SDCCAG8: variants seen among roughly 807,000 people sequenced by gnomAD.
SDCCAG8 encodes SHH signaling and ciliogenesis regulator SDCCAG8, also known as serologically defined colon cancer antigen 8.
Under a neutral mutation model 101.8 loss-of-function variants are expected in SDCCAG8, and 74 were observed. That is an observed-to-expected ratio of 0.73 (90% CI 0.60 to 0.88). The LOEUF (loss-of-function observed/expected upper bound fraction) is 0.88, where lower values mean the gene tolerates loss of function less well. Among genes scored for constraint, SDCCAG8 ranks in the 40% least tolerant of loss-of-function variants. The pLI is 0.00. For synonymous variants in SDCCAG8, 281 were observed against 292.9 expected, an observed-to-expected ratio of 0.96 and a Z score of 0.41; for missense variants, 787 against 822.6, an observed-to-expected ratio of 0.96 and a Z score of 0.53.
intron 1 of SDCCAG8, among the ~76,000 whole-genome samples, chr1:243,269,697 C>T (rs2067928517): frequency 6.6e-6 from 1 of 152,124 alleles, no homozygotes; most frequent in African/African-American, 2.4e-5. Flanking sequence ...CTTTTGCTGG[C>T]TCTTCCCACC....
intron 3 of SDCCAG8, among the ~76,000 whole-genome samples, chr1:243,271,607 A>G (rs1384328531): frequency 6.6e-6 from 1 of 152,010 alleles, no homozygotes; most frequent in Non-Finnish European, 1.5e-5. Flanking sequence ...CAGTGGCATG[A>G]TCTCGCCTCA....
In SDCCAG8 at chr1:243,286,322, C is replaced by T. The variant is rs769881390; in HGVS notation, c.471C>T (p.Asn157=). 26 of 1,613,860 alleles carry T rather than the reference C, an allele frequency of 1.6e-5. No individual in the cohort carries two copies. Among genetic ancestry groups the T allele is most frequent in the South Asian group, 5.5e-5 (5 of 91,086 alleles). The change falls in exon 5 of 18, where the codon AAC becomes AAT. Residue 157 remains asparagine (N), a synonymous_variant. Coordinates refer to ENST00000366541, the MANE Select transcript of SDCCAG8 (RefSeq NM_006642.5). ...AAATACAAGTAGTTGTGCTTGAAAA[C>T]GAAGGGCTCCAGCAACAGCTAAAAT... ...KNKIQVVVLE[N]EGLQQQLKSQ...
At chr1:243,497,508 G>A (rs1025001815) in intron 17 of SDCCAG8, among the ~76,000 whole-genome samples, 13 of 152,050 alleles carry the variant, frequency 8.5e-5, no homozygotes, top group South Asian at 2.1e-4. Flanking sequence ...GGTGAGGCCC[G>A]TACATCTGTG....
chr1:243,440,407 G>T (rs1208476838), intron 16 of SDCCAG8, among the ~76,000 whole-genome samples: 2 of 152,108 alleles, frequency 1.3e-5, no homozygotes, highest in Non-Finnish European at 2.9e-5. Context: ...TTTGTCTCAG[G>T]AAACACTGAA....
chr1:243,384,362 G>A (rs1332718715), intron 13 of SDCCAG8, among the ~76,000 whole-genome samples: 1 of 152,042 alleles, frequency 6.6e-6, no homozygotes, highest in Non-Finnish European at 1.5e-5. Context: ...AAATATCAGA[G>A]TACAAAGTAT....
Position 243,453,098 on chromosome 1 carries a change from A to G in SDCCAG8, c.1985+26540A>G, listed in dbSNP as rs183405095. On this transcript the variant is annotated intron_variant, in intron 16 of 17. Transcript: ENST00000366541. ...GTGAAGTAGAAAATACATTTATCTTATGACTCTCCTTTTCCGGAGTTGATG... is the reference window on the plus strand; with the variant it reads ...GTGAAGTAGAAAATACATTTATCTTGTGACTCTCCTTTTCCGGAGTTGATG... Among the ~76,000 whole-genome samples the G allele has an allele frequency of 9.8e-5, 15 of 152,348 alleles. No individual in the cohort carries two copies. In the East Asian group the frequency reaches 2.7e-3, roughly 27 times the overall value.
chr1:243,345,139 A>G (rs919850278), intron 12 of SDCCAG8, among the ~76,000 whole-genome samples: 2 of 152,156 alleles, frequency 1.3e-5, no homozygotes, highest in Admixed American at 6.5e-5. Context: ...GGTCGCTCCA[A>G]ATAAGTTTTT....
At chr1:243,357,180 C>T (rs969701446) in intron 12 of SDCCAG8, among the ~76,000 whole-genome samples, 2 of 152,046 alleles carry the variant, frequency 1.3e-5, no homozygotes, top group South Asian at 2.1e-4. Flanking sequence ...GAGATCGAGA[C>T]CATCCTGACT....
chr1:243,299,867 ATT>A (rs779092727), intron 6 of SDCCAG8, among the ~76,000 whole-genome samples: 4 of 140,738 alleles, frequency 2.8e-5, no homozygotes, highest in Admixed American at 7.1e-5. Flanking sequence ...CTTTGAATTA[ATT>A]TTTTTTTTTT....
At chr1:243,262,767 C>A (rs76934113) in intron 1 of SDCCAG8, among the ~76,000 whole-genome samples, 1 of 152,164 alleles carries the variant, frequency 6.6e-6, no homozygotes, top group East Asian at 1.9e-4. Flanking sequence ...AAGATTTTCA[C>A]CATTTTACTT....
At chr1:243,439,903 A>G (rs1043686957) in intron 16 of SDCCAG8, among the ~76,000 whole-genome samples, 3 of 152,176 alleles carry the variant, frequency 2.0e-5, no homozygotes, top group Non-Finnish European at 4.4e-5. Flanking sequence ...TGTTACATCT[A>G]AGTCAAATTC....
chr1:243,363,586 T>G (rs2076837658), intron 12 of SDCCAG8, among the ~76,000 whole-genome samples: 1 of 152,198 alleles, frequency 6.6e-6, no homozygotes, highest in Non-Finnish European at 1.5e-5. Flanking sequence ...CTTAAAATCA[T>G]TTTTTTGAGA....
chr1:243,283,722 A>G (rs1032780788), intron 4 of SDCCAG8, among the ~76,000 whole-genome samples: 2 of 152,004 alleles, frequency 1.3e-5, no homozygotes, highest in Admixed American at 6.6e-5. Flanking sequence ...AGACCTTAAC[A>G]TAGTAATCAT....
chr1:243,447,707 C>G (rs1388317306), intron 16 of SDCCAG8, among the ~76,000 whole-genome samples: 1 of 152,076 alleles, frequency 6.6e-6, no homozygotes, highest in Non-Finnish European at 1.5e-5. Flanking sequence ...TTTAGAGAGT[C>G]AGAATGTACA....
intron 13 of SDCCAG8, among the ~76,000 whole-genome samples, chr1:243,381,875 C>T (rs141595075): frequency 4.0e-4 from 61 of 152,166 alleles, no homozygotes; most frequent in African/African-American, 1.4e-3. Context: ...GGGGATTGGC[C>T]CATTCTACAC....
At chr1:243,410,937 A>G (rs1428161178) in intron 13 of SDCCAG8, among the ~76,000 whole-genome samples, 1 of 152,124 alleles carries the variant, frequency 6.6e-6, no homozygotes, top group East Asian at 1.9e-4. Flanking sequence ...TGTATATGTA[A>G]TCTGTGTTTG....
intron 1 of SDCCAG8, among the ~76,000 whole-genome samples, chr1:243,269,705 A>G (rs1384933778): frequency 6.6e-6 from 1 of 151,110 alleles, no homozygotes; most frequent in Non-Finnish European, 1.5e-5. Context: ...GGCTCTTCCC[A>G]CCTCCCCACT....
intron 10 of SDCCAG8, among the ~76,000 whole-genome samples, chr1:243,334,389 C>T (rs143557472): frequency 6.6e-6 from 1 of 152,294 alleles, no homozygotes; most frequent in African/African-American, 2.4e-5. Flanking sequence ...TATTGTTCCT[C>T]TCTTTGGCTC....
chr1:243,328,849 C>A (rs1347566448), intron 9 of SDCCAG8, among the ~76,000 whole-genome samples: 2 of 152,146 alleles, frequency 1.3e-5, no homozygotes, highest in Non-Finnish European at 2.9e-5. Flanking sequence ...CTGTAGGTGC[C>A]TTTCATGGTA....
Sources: allele counts gnomAD v4.1 joint callset (sites outside exome capture counted in the v4.1 genomes callset), GRCh38; gene constraint gnomAD v4.1.1; transcripts MANE v1.5; gene names NCBI Gene and HGNC (gene_info 2026-07-23, HGNC 2026-07-21).